The following PAH variants were observed in gnomAD, a reference collection of about 807,000 sequenced individuals.
PAH encodes the protein phenylalanine-4-hydroxylase.
In PAH, 64 loss-of-function variants were observed where a neutral mutation model predicts 62.0. The ratio of observed to expected loss-of-function variants is 1.03; its 90% CI spans 0.84 to 1.27. The LOEUF is 1.27. Ranked by LOEUF, PAH falls within the 50% of genes most tolerant of loss-of-function variation. PAH has a pLI of 0.00. For missense variants in PAH, 579 were observed against 542.8 expected (o/e 1.07, Z -0.66); for synonymous variants, 195 against 196.2 (o/e 0.99, Z 0.05).
intron 1 of PAH, chr12:102,915,094 C>T (rs1878334694): frequency 6.6e-6 from 1 of 152,242 alleles, no homozygotes; most frequent in Admixed American, 6.5e-5. Flanking sequence ...TCCAGCCAAG[C>T]TGCTTTCTTT....
At chr12:102,868,563 G>A (rs1226872037) in intron 4 of PAH, among the ~76,000 whole-genome samples, 9 of 151,546 alleles carry the variant, frequency 5.9e-5, no homozygotes, top group Non-Finnish European at 1.0e-4. Flanking sequence ...GTTTTTAATC[G>A]TTAATTACAG....
upstream of PAH, among the ~76,000 whole-genome samples, chr12:102,919,948 T>C (rs1878512587): frequency 6.6e-6 from 1 of 152,170 alleles, no homozygotes; most frequent in Admixed American, 6.5e-5. Context: ...TTTCCTTTCT[T>C]ATAGGTATAT....
chr12:102,884,942 G>C (rs1170806506), intron 3 of PAH, among the ~76,000 whole-genome samples: 1 of 152,180 alleles, frequency 6.6e-6, no homozygotes, highest in Non-Finnish European at 1.5e-5. Flanking sequence ...GAGCAAATAG[G>C]CTCAAAGAGA....
chr12:102,861,730 G>C (rs1358655241), intron 5 of PAH, among the ~76,000 whole-genome samples: 2 of 151,986 alleles, frequency 1.3e-5, no homozygotes, highest in Admixed American at 6.6e-5. Context: ...CTATCGCAGG[G>C]ACAGAAAACC....
chr12:102,874,536 G>A (rs184495280), intron 4 of PAH, among the ~76,000 whole-genome samples: 14 of 152,258 alleles, frequency 9.2e-5, no homozygotes, highest in South Asian at 8.3e-4. Context: ...GCCCTCATAC[G>A]GTGGTGATAA....
intron 3 of PAH, among the ~76,000 whole-genome samples, chr12:102,881,417 A>AT (rs747328698): frequency 4.6e-5 from 7 of 152,146 alleles, no homozygotes; most frequent in Non-Finnish European, 7.4e-5. Flanking sequence ...GATCAAGTTA[A>AT]TGAACATATT....
At chr12:102,893,502 G>A (rs78804358) in intron 3 of PAH, among the ~76,000 whole-genome samples, 3,608 of 152,296 alleles carry the variant, frequency 0.024, 134 homozygotes, top group African/African-American at 0.08. Flanking sequence ...TTCTTCCTCT[G>A]TATTGCTTTC....
chr12:102,910,019 TAAAA>T (rs1158407365), intron 2 of PAH, among the ~76,000 whole-genome samples: 1 of 152,316 alleles, frequency 6.6e-6, no homozygotes, highest in East Asian at 1.9e-4. Context: ...TTTTTTAACT[TAAAA>T]ATATTTATTA....
chr12:102,917,026 G>A (rs557737926), intron 1 of PAH, 45 bp downstream of exon 1: 6 of 1,570,070 alleles, frequency 3.8e-6, no homozygotes, highest in Admixed American at 3.3e-5. Flanking sequence ...TTTCTCTGGA[G>A]GCCCAAATTC....
At chr12:102,947,205 G>A (rs1156588552) in intron 1 of PAH, among the ~76,000 whole-genome samples, 1 of 152,108 alleles carries the variant, frequency 6.6e-6, no homozygotes, top group Non-Finnish European at 1.5e-5. Context: ...GTGTGTCTGT[G>A]TGTGTGTATA....
At chr12:102,914,429 G>C (rs1878310136) in intron 1 of PAH, 1 of 152,828 alleles carries the variant, frequency 6.5e-6, no homozygotes, top group African/African-American at 2.4e-5. Flanking sequence ...CAAGATTAAG[G>C]CTTAGAGAGG....
intron 3 of PAH, among the ~76,000 whole-genome samples, chr12:102,879,609 G>T (rs976023312): frequency 3.3e-5 from 5 of 151,426 alleles, no homozygotes; most frequent in African/African-American, 1.2e-4. Context: ...TACCTGTGGG[G>T]GGGGGGTACT....
intron 1 of PAH, among the ~76,000 whole-genome samples, chr12:102,930,249 A>G (rs1357259): frequency 0.032 from 4,821 of 152,254 alleles, 266 homozygotes; most frequent in African/African-American, 0.11. Flanking sequence ...CTACTCAGAG[A>G]CAGCAGAGGC....
At chr12:102,956,392 C>T (rs1428052413) in intron 1 of PAH, among the ~76,000 whole-genome samples, 1 of 152,220 alleles carries the variant, frequency 6.6e-6, no homozygotes, top group Non-Finnish European at 1.5e-5. Flanking sequence ...CCAGGAAGGA[C>T]GCCTGGGCAG....
At position 102,836,958 on chromosome 12, in the gene PAH, C is replaced by T. The variant is rs1290311934; in HGVS notation, c.*2217G>A. The stretch of plus-strand genomic sequence containing the variant: ...CAACTAAATTATATAACTTAGAAAC[C>T]TACAGTTAAAATTCAGATTCCTACT... On this transcript the variant is annotated 3_prime_UTR_variant, in exon 13 of 13. Transcript: ENST00000553106. The T allele has an allele frequency of 1.3e-5, 2 of 152,224 alleles. No individual in the cohort carries two copies. Among genetic ancestry groups the T allele is most frequent in the Middle Eastern group, 3.4e-3 (1 of 294 alleles). 9.4% of individuals were successfully genotyped at this position (152,224 alleles called of 1,614,324 possible). A position where few individuals can be genotyped will look rare whatever the true frequency, so the allele number is the denominator to read the frequency against.
chr12:102,902,483 G>GTGAGATACGGTAGTTGCAACCC (rs2136712438), intron 2 of PAH, among the ~76,000 whole-genome samples: 1 of 152,288 alleles, frequency 6.6e-6, no homozygotes, highest in South Asian at 2.1e-4. Context: ...ACTGTCTGGG[G>GTGAGATACGGTAGTTGCAACCC]CAACAACAGT....
At chr12:102,944,300 T>C (rs1374753564) in intron 1 of PAH, among the ~76,000 whole-genome samples, 1 of 152,216 alleles carries the variant, frequency 6.6e-6, no homozygotes, top group Non-Finnish European at 1.5e-5. Flanking sequence ...ACATTGATAT[T>C]GTTCTTTAGG....
At chr12:102,952,177 AG>A (rs1879783682), upstream of PAH, among the ~76,000 whole-genome samples, 1 of 152,178 alleles carries the variant, frequency 6.6e-6, no homozygotes, top group South Asian at 2.1e-4. Context: ...TCGATTGTGA[AG>A]GGGGGAGAGC....
At chr12:102,945,348 A>G (rs926050672) in intron 1 of PAH, among the ~76,000 whole-genome samples, 1 of 152,202 alleles carries the variant, frequency 6.6e-6, no homozygotes, top group African/African-American at 2.4e-5. Context: ...AGGGTGACAC[A>G]TTCTCCCCAG....
Sources: allele counts gnomAD v4.1 joint callset (sites outside exome capture counted in the v4.1 genomes callset), GRCh38; gene constraint gnomAD v4.1.1; transcripts MANE v1.5; gene names NCBI Gene and HGNC (gene_info 2026-07-23, HGNC 2026-07-21).